Variants in RIMS2 observed in about 807,000 individuals in gnomAD.
RIMS2 encodes the protein regulating synaptic membrane exocytosis 2.
In RIMS2, 59 loss-of-function variants were observed where a neutral mutation model predicts 174.4. The ratio of observed to expected loss-of-function variants is 0.34; its 90% CI spans 0.27 to 0.42. The LOEUF (loss-of-function observed/expected upper bound fraction) is 0.42. Ranked by LOEUF, RIMS2 falls within the 10% of genes least tolerant of loss-of-function variation. The pLI is 1.00. For missense variants in RIMS2, 1,620 were observed against 1,666.3 expected, an observed-to-expected ratio of 0.97 and a Z score of 0.48; for synonymous variants, 606 against 572.5, an observed-to-expected ratio of 1.06 and a Z score of -0.84.
intron 1 of RIMS2, among the ~76,000 whole-genome samples, chr8:103,559,656 A>G (rs1295340348): frequency 6.6e-6 from 1 of 152,200 alleles, no homozygotes; most frequent in East Asian, 1.9e-4. Context: ...AACTAGTGCT[A>G]GCACACTGAG....
At chr8:103,910,285 T>C (rs772183028) in intron 5 of RIMS2, 36 bp from the exon 8 acceptor site, 2 of 1,508,512 alleles carry the variant, frequency 1.3e-6, no homozygotes, top group Non-Finnish European at 1.8e-6. Flanking sequence ...TGTTTCTTTT[T>C]TGTATCTTTT....
chr8:103,896,145 T>C (rs1405936940), intron 4 of RIMS2, among the ~76,000 whole-genome samples: 5 of 151,692 alleles, frequency 3.3e-5, no homozygotes, highest in African/African-American at 1.2e-4. Flanking sequence ...GTCAAATTTC[T>C]GACTGGTCTG....
chr8:104,108,287 A>T (rs185411606), intron 19 of RIMS2, among the ~76,000 whole-genome samples: 1 of 152,026 alleles, frequency 6.6e-6, no homozygotes, highest in Non-Finnish European at 1.5e-5. Flanking sequence ...AGGCTGTATC[A>T]TATCTCACTG....
chr8:103,936,524 T>A, intron 12 of RIMS2, 27 bp from the exon 15 acceptor site: 4 of 1,449,782 alleles, frequency 2.8e-6, no homozygotes, highest in Non-Finnish European at 2.8e-6. Flanking sequence ...TCTATGTAAG[T>A]TCATAATTCA....
exon 7 of RIMS2, chr8:103,915,562 G>A (rs2076493577): frequency 6.2e-7 from 1 of 1,603,178 alleles, no homozygotes; most frequent in African/African-American, 1.3e-5. Context: ...AAAAAAGGAA[G>A]TTTAGCTGAT....
chr8:103,935,780 G>T (rs916974210), intron 12 of RIMS2, among the ~76,000 whole-genome samples: 1 of 152,104 alleles, frequency 6.6e-6, no homozygotes, highest in African/African-American at 2.4e-5. Flanking sequence ...AGAAATATTT[G>T]AATGTTTAAA....
intron 2 of RIMS2, among the ~76,000 whole-genome samples, chr8:103,755,200 C>A (rs545973947): frequency 3.9e-5 from 6 of 152,292 alleles, no homozygotes; most frequent in African/African-American, 1.4e-4. Flanking sequence ...TTTAGTTTGA[C>A]TGGATATGAA....
chr8:103,977,828 A>G (rs1045908584), intron 16 of RIMS2, among the ~76,000 whole-genome samples: 3 of 152,364 alleles, frequency 2.0e-5, no homozygotes, highest in Middle Eastern at 3.4e-3. Context: ...CCAGTTTATT[A>G]TAAAAGATAT....
At chr8:104,071,865 G>A (rs1482526861) in intron 19 of RIMS2, among the ~76,000 whole-genome samples, 1 of 152,168 alleles carries the variant, frequency 6.6e-6, no homozygotes, top group African/African-American at 2.4e-5. Flanking sequence ...CTCAATTAGG[G>A]TTTCAACTAG....
chr8:103,581,098 A>T (rs2093594055), intron 1 of RIMS2, among the ~76,000 whole-genome samples: 3 of 152,018 alleles, frequency 2.0e-5, no homozygotes, highest in Admixed American at 2.0e-4. Context: ...GATTACAGGA[A>T]TGAGCCACCA....
At chr8:104,149,273 T>C (rs143579284) in intron 19 of RIMS2, among the ~76,000 whole-genome samples, 2 of 152,332 alleles carry the variant, frequency 1.3e-5, no homozygotes, top group African/African-American at 4.8e-5. Context: ...ATACAGTTCT[T>C]GTTTTGCTGA....
At chr8:103,614,343 C>T (rs2095456535) in intron 1 of RIMS2, among the ~76,000 whole-genome samples, 1 of 152,234 alleles carries the variant, frequency 6.6e-6, no homozygotes, top group East Asian at 1.9e-4. Flanking sequence ...TGTAATGTCC[C>T]CCAGTCACTA....
chr8:104,121,276 T>G (rs1196718394), intron 19 of RIMS2, among the ~76,000 whole-genome samples: 1 of 152,076 alleles, frequency 6.6e-6, no homozygotes, highest in Non-Finnish European at 1.5e-5. Flanking sequence ...AGTAAGGAAG[T>G]GCAAATAAAT....
At chr8:103,918,653 GA>G in intron 9 of RIMS2, 166 bp downstream of exon 12, 1 of 574,774 alleles carries the variant, frequency 1.7e-6, no homozygotes, top group South Asian at 2.5e-5. Context: ...GTCACTGTGG[GA>G]AAAACAAAAA....
chr8:104,176,029 A>G (rs7831272), intron 19 of RIMS2, among the ~76,000 whole-genome samples: 31,081 of 151,962 alleles, frequency 0.2, 3,439 homozygotes, highest in Middle Eastern at 0.27. Flanking sequence ...TCATATTCTC[A>G]TTCTCTCTCT....
chr8:104,122,990 A>G (rs138481707), intron 19 of RIMS2, among the ~76,000 whole-genome samples: 4 of 152,228 alleles, frequency 2.6e-5, no homozygotes, highest in African/African-American at 9.6e-5. Context: ...ATGATGCTAT[A>G]TTTTAATATC....
intron 1 of RIMS2, among the ~76,000 whole-genome samples, chr8:103,606,747 A>G (rs1040923799): frequency 1.3e-5 from 2 of 152,002 alleles, no homozygotes; most frequent in African/African-American, 4.8e-5. Context: ...TCCCTTTACC[A>G]TTATATAATG....
intron 16 of RIMS2, among the ~76,000 whole-genome samples, chr8:103,979,907 A>T (rs144751844): frequency 3.3e-4 from 50 of 152,316 alleles, no homozygotes; most frequent in Non-Finnish European, 6.6e-4. Flanking sequence ...ATTTAGCCAG[A>T]GAGGAATCAC....
chr8:103,557,073 T>C (rs1046328511), intron 1 of RIMS2, among the ~76,000 whole-genome samples: 13 of 152,194 alleles, frequency 8.5e-5, no homozygotes, highest in Admixed American at 7.9e-4. Flanking sequence ...AATCAAAATA[T>C]AAATCTTCTG....
Sources: gnomAD v4.1 joint callset for allele counts (sites outside exome capture counted in the v4.1 genomes callset) on GRCh38, gnomAD v4.1.1 for gene constraint, MANE v1.5 for transcripts, NCBI Gene and HGNC (gene_info 2026-07-23, HGNC 2026-07-21) for gene names.